Variants in PTN observed in about 807,000 individuals in gnomAD.
The protein encoded by PTN is heparin affin regulatory protein.
A neutral mutation model predicts 24.1 loss-of-function variants in PTN; 18 were observed. The observed-to-expected ratio is 0.75, with a 90% confidence interval of 0.52 to 1.11. The LOEUF (loss-of-function observed/expected upper bound fraction) is 1.11, where lower values mean the gene tolerates loss of function less well. Among genes scored for constraint, PTN ranks in the 50% least tolerant of loss-of-function variants. The pLI is 0.00. For missense variants in PTN, 163 were observed against 198.8 expected, an observed-to-expected ratio of 0.82 and a Z score of 1.08; for synonymous variants, 78 against 68.6, an observed-to-expected ratio of 1.14 and a Z score of -0.67.
intron 1 of PTN, among the ~76,000 whole-genome samples, chr7:137,335,622 G>T (rs982606396): frequency 6.6e-6 from 1 of 152,176 alleles, no homozygotes; most frequent in African/African-American, 2.4e-5. Flanking sequence ...CGCCAAGCTA[G>T]CAGTACTGCA....
At chr7:137,283,502 G>A (rs1183691960) in intron 1 of PTN, among the ~76,000 whole-genome samples, 1 of 152,166 alleles carries the variant, frequency 6.6e-6, no homozygotes, top group East Asian at 1.9e-4. Flanking sequence ...GTTGCTTTGG[G>A]AAAGAGAAAA....
intron 1 of PTN, among the ~76,000 whole-genome samples, chr7:137,328,739 T>A (rs957535375): frequency 6.6e-6 from 1 of 152,100 alleles, no homozygotes; most frequent in Non-Finnish European, 1.5e-5. Context: ...TGAAACACCA[T>A]GCCAGGCCAA....
chr7:137,316,086 G>A (rs748007012), intron 1 of PTN, among the ~76,000 whole-genome samples: 19 of 152,148 alleles, frequency 1.2e-4, no homozygotes, highest in Non-Finnish European at 2.4e-4. Flanking sequence ...GAGGCACCTC[G>A]TCAGAATCCT....
intron 1 of PTN, among the ~76,000 whole-genome samples, chr7:137,272,649 C>G (rs1038465230): frequency 6.6e-6 from 1 of 152,208 alleles, no homozygotes; most frequent in African/African-American, 2.4e-5. Context: ...GTCTTTAAAT[C>G]TCTTCAATTT....
intron 4 of PTN, among the ~76,000 whole-genome samples, chr7:137,234,269 TATAA>T (rs539734039): frequency 5.8e-4 from 89 of 152,138 alleles, no homozygotes; most frequent in Non-Finnish European, 9.3e-4. Context: ...CTCTTGTTAT[TATAA>T]ATAATGATGC....
intron 1 of PTN, among the ~76,000 whole-genome samples, chr7:137,303,720 G>A (rs1292788470): frequency 6.6e-6 from 1 of 151,930 alleles, no homozygotes; most frequent in Non-Finnish European, 1.5e-5. Flanking sequence ...GCACAAATGA[G>A]TTTGAAAAAG....
chr7:137,336,232 T>G (rs1039281974), intron 1 of PTN, among the ~76,000 whole-genome samples: 7 of 152,166 alleles, frequency 4.6e-5, no homozygotes, highest in African/African-American at 1.7e-4. Flanking sequence ...ATCATCATCA[T>G]TTCCCACTTA....
intron 1 of PTN, among the ~76,000 whole-genome samples, chr7:137,277,928 T>C (rs1353235729): frequency 6.6e-6 from 1 of 151,686 alleles, no homozygotes; most frequent in Admixed American, 6.6e-5. Context: ...GATAGATAGA[T>C]AGATAGATAG....
intron 4 of PTN, among the ~76,000 whole-genome samples, chr7:137,242,315 G>C (rs1041824560): frequency 7.2e-5 from 11 of 152,160 alleles, no homozygotes; most frequent in Non-Finnish European, 1.3e-4. Context: ...AAAACTTTCA[G>C]AAATAGCTGG....
intron 1 of PTN, among the ~76,000 whole-genome samples, chr7:137,275,753 T>C (rs1047385329): frequency 6.6e-6 from 1 of 152,178 alleles, no homozygotes; most frequent in Middle Eastern, 3.4e-3. Flanking sequence ...AAAACACAAA[T>C]CCATAATCAT....
chr7:137,250,180 T>C (rs1238587092), intron 4 of PTN, among the ~76,000 whole-genome samples: 3 of 152,196 alleles, frequency 2.0e-5, no homozygotes, highest in Non-Finnish European at 4.4e-5. Flanking sequence ...ATTGTATTAG[T>C]TGGCTATAGC....
chr7:137,329,481 G>A (rs777888877), intron 1 of PTN, among the ~76,000 whole-genome samples: 11 of 152,238 alleles, frequency 7.2e-5, no homozygotes, highest in Non-Finnish European at 1.6e-4. Flanking sequence ...GAAGGTAGAG[G>A]ACAAGGTATG....
chr7:137,259,129 C>T (rs1808987173), intron 1 of PTN, among the ~76,000 whole-genome samples: 1 of 152,018 alleles, frequency 6.6e-6, no homozygotes, highest in South Asian at 2.1e-4. Context: ...ATCTGAAACT[C>T]AATGATTAAA....
At chr7:137,333,321 C>T (rs559292944) in intron 1 of PTN, among the ~76,000 whole-genome samples, 11 of 152,310 alleles carry the variant, frequency 7.2e-5, no homozygotes, top group African/African-American at 2.6e-4. Context: ...TTTCTTTACA[C>T]AGAACCCAGC....
At chr7:137,318,679 G>A (rs1190576827) in intron 1 of PTN, 2 of 152,144 alleles carry the variant, frequency 1.3e-5, no homozygotes, top group Non-Finnish European at 2.9e-5. Context: ...CTTTCTGGGT[G>A]TCGGCCTTCA....
At chr7:137,300,140 TAG>T (rs1444410111) in intron 1 of PTN, among the ~76,000 whole-genome samples, 1 of 151,870 alleles carries the variant, frequency 6.6e-6, no homozygotes, top group African/African-American at 2.4e-5. Flanking sequence ...GGTAGATGGA[TAG>T]AACATTGATA....
chr7:137,323,625 T>C (rs762527305), intron 1 of PTN, among the ~76,000 whole-genome samples: 2 of 152,168 alleles, frequency 1.3e-5, no homozygotes, highest in East Asian at 1.9e-4. Context: ...CAGACAGCAG[T>C]AGATATTTAG....
chr7:137,314,169 A>C (rs768475077), intron 1 of PTN, among the ~76,000 whole-genome samples: 1 of 152,200 alleles, frequency 6.6e-6, no homozygotes, highest in Non-Finnish European at 1.5e-5. Context: ...TCAACTATAA[A>C]GCATTGCTAA....
chr7:137,259,328 G>A (rs573894412), intron 1 of PTN, among the ~76,000 whole-genome samples: 7 of 152,110 alleles, frequency 4.6e-5, no homozygotes, highest in South Asian at 2.1e-4. Context: ...GTACTTTAGC[G>A]ACCTATTTGG....
Sources: allele counts gnomAD v4.1 joint callset (sites outside exome capture counted in the v4.1 genomes callset), GRCh38; gene constraint gnomAD v4.1.1; transcripts MANE v1.5; gene names NCBI Gene and HGNC (gene_info 2026-07-23, HGNC 2026-07-21).